The following ADAMTSL1 variants were observed in gnomAD, a reference collection of about 807,000 sequenced individuals.
The protein encoded by ADAMTSL1 is ADAMTS like 1.
In ADAMTSL1, 126 loss-of-function variants were observed where a neutral mutation model predicts 201.8. The observed-to-expected ratio is 0.62, with a 90% CI of 0.54 to 0.72. The LOEUF is 0.72. ADAMTSL1 is among the 30% of genes least tolerant of loss of function. ADAMTSL1 has a pLI of 0.00. For missense variants in ADAMTSL1, 2,679 were observed against 2,277.8 expected (o/e 1.18, Z -3.59); for synonymous variants, 1,121 against 903.4 (o/e 1.24, Z -4.32).
At chr9:18,710,297 G>A (rs1449961616) in intron 14 of ADAMTSL1, among the ~76,000 whole-genome samples, 4 of 152,166 alleles carry the variant, frequency 2.6e-5, no homozygotes, top group African/African-American at 9.7e-5. Flanking sequence ...GTTGACCACA[G>A]GGCTGGCCCA....
chr9:18,516,998 T>C (rs13298611), intron 2 of ADAMTSL1, among the ~76,000 whole-genome samples: 30,762 of 152,224 alleles, frequency 0.2, 3,346 homozygotes, highest in Middle Eastern at 0.27. Flanking sequence ...CATAAATTTC[T>C]AGCTCAAGGC....
chr9:18,441,935 A>G (rs182888781), intron 2 of ADAMTSL1, among the ~76,000 whole-genome samples: 1 of 152,344 alleles, frequency 6.6e-6, no homozygotes, highest in Non-Finnish European at 1.5e-5. Context: ...TGTAATAATA[A>G]TAATTTTTAA....
chr9:18,505,929 A>C (rs1026760215), intron 2 of ADAMTSL1, among the ~76,000 whole-genome samples: 3 of 152,194 alleles, frequency 2.0e-5, no homozygotes, highest in African/African-American at 4.8e-5. Context: ...TGTCTCCCCA[A>C]GGCCTGCACA....
intron 15 of ADAMTSL1, among the ~76,000 whole-genome samples, chr9:18,730,487 A>G (rs1388793677): frequency 2.0e-5 from 3 of 152,250 alleles, no homozygotes; most frequent in Admixed American, 2.0e-4. Flanking sequence ...CTGCAGGTGC[A>G]GAAAGATCTG....
rs1053140723 is a variant in ADAMTSL1 at position 18,477,940 on chromosome 9, C to T, written c.63+3645C>T. On this transcript the variant is annotated intron_variant, in intron 1 of 28. Transcript: ENST00000380548. ...TGAACTACAGAAGAATCTTGTTACA[C>T]CAGGAAAGTTTTTCCTTGAAAAAGC... Among the ~76,000 whole-genome samples the T allele has an allele frequency of 2.0e-5, 3 of 152,134 alleles. No individual in the cohort carries two copies. In the East Asian group the frequency reaches 5.8e-4, roughly 29 times the overall value.
intron 4 of ADAMTSL1, among the ~76,000 whole-genome samples, chr9:18,580,341 A>G (rs1471364157): frequency 6.6e-6 from 1 of 152,274 alleles, no homozygotes; most frequent in East Asian, 1.9e-4. Flanking sequence ...TTTGAAATGA[A>G]TTGAATAGAA....
At chr9:18,343,646 G>T (rs1486666529) in intron 2 of ADAMTSL1, among the ~76,000 whole-genome samples, 1 of 152,068 alleles carries the variant, frequency 6.6e-6, no homozygotes, top group Non-Finnish European at 1.5e-5. Flanking sequence ...TAAACGGTTT[G>T]GATAAAGAAT....
At chr9:18,470,003 A>T (rs1169216507), upstream of ADAMTSL1, among the ~76,000 whole-genome samples, 2 of 152,220 alleles carry the variant, frequency 1.3e-5, no homozygotes, top group Non-Finnish European at 2.9e-5. Context: ...ATTACGTGAA[A>T]TAATAAATAT....
chr9:18,373,444 T>A (rs1837140781), intron 2 of ADAMTSL1, among the ~76,000 whole-genome samples: 1 of 152,186 alleles, frequency 6.6e-6, no homozygotes, highest in Non-Finnish European at 1.5e-5. Context: ...CAACAATCTT[T>A]TCATATCATC....
intron 2 of ADAMTSL1, among the ~76,000 whole-genome samples, chr9:18,197,795 G>A (rs998676172): frequency 3.1e-4 from 47 of 151,998 alleles, no homozygotes; most frequent in African/African-American, 1.0e-3. Context: ...AGCCCGCATC[G>A]CCAAGTCAAT....
intron 2 of ADAMTSL1, among the ~76,000 whole-genome samples, chr9:18,188,449 C>T (rs1040971764): frequency 5.3e-5 from 8 of 152,056 alleles, no homozygotes; most frequent in East Asian, 1.9e-4. Flanking sequence ...TTTGATGAGA[C>T]GCTATCTGGG....
At chr9:18,709,978 C>A (rs746705866) in intron 14 of ADAMTSL1, among the ~76,000 whole-genome samples, 2 of 152,168 alleles carry the variant, frequency 1.3e-5, no homozygotes, top group African/African-American at 4.8e-5. Context: ...TGTTCTCTGT[C>A]GGTTTACAGT....
chr9:18,301,737 T>C (rs775095005), intron 2 of ADAMTSL1, among the ~76,000 whole-genome samples: 14 of 152,180 alleles, frequency 9.2e-5, no homozygotes, highest in Non-Finnish European at 1.6e-4. Flanking sequence ...GAGGAAATAC[T>C]AGAATACATT....
At chr9:18,437,950 G>C (rs959554674) in intron 2 of ADAMTSL1, among the ~76,000 whole-genome samples, 1 of 152,102 alleles carries the variant, frequency 6.6e-6, no homozygotes, top group Non-Finnish European at 1.5e-5. Flanking sequence ...CATTCCCCGG[G>C]CACTTATACA....
At chr9:18,558,953 A>G (rs1277857438) in intron 3 of ADAMTSL1, among the ~76,000 whole-genome samples, 6 of 152,142 alleles carry the variant, frequency 3.9e-5, no homozygotes, top group African/African-American at 1.4e-4. Context: ...CCCATTCTGT[A>G]GGTTGCCTAT....
intron 4 of ADAMTSL1, among the ~76,000 whole-genome samples, chr9:18,618,558 A>G (rs929515293): frequency 4.0e-5 from 6 of 151,652 alleles, no homozygotes; most frequent in Non-Finnish European, 7.4e-5. Flanking sequence ...AGTGGCTTAG[A>G]CACATAAAAG....
chr9:18,613,672 G>A (rs548560461), intron 4 of ADAMTSL1, among the ~76,000 whole-genome samples: 2 of 152,158 alleles, frequency 1.3e-5, no homozygotes, highest in Admixed American at 6.5e-5. Flanking sequence ...ATAAGTGGGG[G>A]TAAATGACAA....
At chr9:18,458,369 A>C (rs1293135221) in intron 2 of ADAMTSL1, among the ~76,000 whole-genome samples, 1 of 152,204 alleles carries the variant, frequency 6.6e-6, no homozygotes, top group Non-Finnish European at 1.5e-5. Flanking sequence ...TTCTACTCTG[A>C]ACTATTTTTT....
chr9:18,101,482 G>C (rs1824519525), intron 1 of ADAMTSL1, among the ~76,000 whole-genome samples: 1 of 151,204 alleles, frequency 6.6e-6, no homozygotes, highest in African/African-American at 2.4e-5. Context: ...TGGGCAACAG[G>C]GTGAGACTCC....
Sources: allele counts gnomAD v4.1 joint callset (sites outside exome capture counted in the v4.1 genomes callset), GRCh38; gene constraint gnomAD v4.1.1; transcripts MANE v1.5; gene names NCBI Gene and HGNC (gene_info 2026-07-23, HGNC 2026-07-21).